FAM240B: variants seen among roughly 807,000 people sequenced by gnomAD.
FAM240B encodes protein FAM240B.
chr9:38,704,088 GA>G, intron 1 of FAM240B, 86 bp from the exon 2 acceptor site: 1 of 373,480 alleles, frequency 2.7e-6, no homozygotes, highest in Non-Finnish European at 4.7e-6. Flanking sequence ...CTTGCATGTA[GA>G]CACTGCCATT....
chr9:38,713,481 C>CAAAAAAAAAAAAAA, intron 1 of FAM240B, among the ~76,000 whole-genome samples: 1 of 83,598 alleles, frequency 1.2e-5, no homozygotes, highest in Non-Finnish European at 2.1e-5. Flanking sequence ...CCGTTTCAAA[C>CAAAAAAAAAAAAAA]AAAAAAAAAA....
chr9:38,704,294 T>C (rs1013649817), intron 1 of FAM240B, among the ~76,000 whole-genome samples: 2 of 152,212 alleles, frequency 1.3e-5, no homozygotes, highest in African/African-American at 2.4e-5. Flanking sequence ...CTTGCCCTTT[T>C]CACTGTCTTT....
intron 2 of FAM240B, among the ~76,000 whole-genome samples, chr9:38,701,907 A>AACACAC (rs112042925): frequency 2.6e-5 from 4 of 151,274 alleles, no homozygotes; most frequent in Admixed American, 1.3e-4. Context: ...AAAATAGGAG[A>AACACAC]ACACACACAC....
chr9:38,711,611 TTCTC>T (rs201795730), intron 1 of FAM240B, among the ~76,000 whole-genome samples: 44 of 147,550 alleles, frequency 3.0e-4, no homozygotes, highest in African/African-American at 1.1e-3. Context: ...TTCTTTTTCT[TTCTC>T]TCTCCCTCTT....
At chr9:38,700,095 G>C (rs148290971) in intron 2 of FAM240B, among the ~76,000 whole-genome samples, 400 of 152,216 alleles carry the variant, frequency 2.6e-3, no homozygotes, top group African/African-American at 9.2e-3. Flanking sequence ...GACAAGCTTT[G>C]GCATACTCAT....
At chr9:38,707,543 C>T (rs1000808317) in intron 1 of FAM240B, among the ~76,000 whole-genome samples, 3 of 149,302 alleles carry the variant, frequency 2.0e-5, no homozygotes, top group Admixed American at 6.8e-5. Flanking sequence ...CCAAGGCAGG[C>T]GGATCACGAG....
In FAM240B at chr9:38,695,007, G is replaced by A. The variant is rs147607733; in HGVS notation, c.144-138C>T. ...TGTGTTCCCCTCCCTGTGTCCATGT[G>A]TTCTCATTGTTCAACTCCCACTTAT... On this transcript the variant is annotated intron_variant, in intron 2 of 2. Coordinates refer to ENST00000637493, the MANE Select transcript of FAM240B (RefSeq NM_001394922.1). The A allele has an allele frequency of 5.6e-3, 2,192 of 393,864 alleles. 56 individuals are homozygous for A. Among genetic ancestry groups the A allele is most frequent in the East Asian group, 0.053 (1,479 of 27,826 alleles). The allele number at this position is 393,864 out of a possible 1,614,324, so 24.4% of individuals were successfully genotyped here.
intron 2 of FAM240B, among the ~76,000 whole-genome samples, chr9:38,698,582 T>G (rs1327588168): frequency 1.3e-5 from 2 of 152,212 alleles, no homozygotes; most frequent in African/African-American, 4.8e-5. Context: ...AGGTAAACAT[T>G]CATCAGCACA....
chr9:38,706,117 AT>A (rs1178726886), intron 1 of FAM240B, among the ~76,000 whole-genome samples: 3 of 152,206 alleles, frequency 2.0e-5, no homozygotes, highest in Non-Finnish European at 4.4e-5. Context: ...TTTAAAAATA[AT>A]TTTTAAATAT....
chr9:38,706,300 G>A (rs1050559079), intron 1 of FAM240B, among the ~76,000 whole-genome samples: 1 of 152,118 alleles, frequency 6.6e-6, no homozygotes, highest in Non-Finnish European at 1.5e-5. Context: ...CAGCTTGAGA[G>A]CAGTGTGGCT....
At chr9:38,708,731 G>C (rs1359974874) in intron 1 of FAM240B, among the ~76,000 whole-genome samples, 1 of 152,130 alleles carries the variant, frequency 6.6e-6, no homozygotes, top group Non-Finnish European at 1.5e-5. Context: ...GACTCACAAT[G>C]CATCTCCTGA....
intron 2 of FAM240B, among the ~76,000 whole-genome samples, chr9:38,697,028 C>T (rs1821077454): frequency 1.3e-5 from 2 of 152,102 alleles, no homozygotes; most frequent in Admixed American, 1.3e-4. Context: ...ATAAATCTGC[C>T]ACCAAATACA....
intron 1 of FAM240B, among the ~76,000 whole-genome samples, chr9:38,704,481 GT>G (rs1446084449): frequency 1.3e-5 from 2 of 151,912 alleles, no homozygotes; most frequent in Non-Finnish European, 2.9e-5. Flanking sequence ...TATCTTACTA[GT>G]TTTTTCCTTA....
chr9:38,694,901 G>A, intron 2 of FAM240B, 32 bp from the exon 3 acceptor site: 2 of 398,622 alleles, frequency 5.0e-6, no homozygotes, highest in Non-Finnish European at 8.8e-6. Flanking sequence ...CATGCTCAGT[G>A]CATTTGTCTC....
intron 1 of FAM240B, among the ~76,000 whole-genome samples, chr9:38,709,830 G>T (rs139931875): frequency 0.018 from 2,672 of 152,274 alleles, 31 homozygotes; most frequent in Middle Eastern, 0.027. Context: ...TTCTATTGTT[G>T]TGCAATTGAT....
At chr9:38,708,908 A>C (rs1460705761) in intron 1 of FAM240B, among the ~76,000 whole-genome samples, 1 of 152,236 alleles carries the variant, frequency 6.6e-6, no homozygotes. Context: ...AGAAAGCCTT[A>C]GATCATGGGG....
At chr9:38,717,611 G>A (rs1266609735) in intron 1 of FAM240B, among the ~76,000 whole-genome samples, 1 of 152,086 alleles carries the variant, frequency 6.6e-6, no homozygotes, top group Non-Finnish European at 1.5e-5. Flanking sequence ...CTCCTGAGTA[G>A]CTGGGACTAC....
chr9:38,701,588 G>A (rs1021611476), intron 2 of FAM240B, among the ~76,000 whole-genome samples: 1 of 152,188 alleles, frequency 6.6e-6, no homozygotes, highest in Non-Finnish European at 1.5e-5. Context: ...GAGACCACAG[G>A]GAGCCTCGCT....
At chr9:38,706,200 TG>T (rs952138652) in intron 1 of FAM240B, among the ~76,000 whole-genome samples, 30 of 148,060 alleles carry the variant, frequency 2.0e-4, no homozygotes, top group Admixed American at 2.0e-3. Flanking sequence ...GTACACATTG[TG>T]GAATAGCTAA....
Sources: gnomAD v4.1 joint callset for allele counts (sites outside exome capture counted in the v4.1 genomes callset) on GRCh38, gnomAD v4.1.1 for gene constraint, MANE v1.5 for transcripts, NCBI Gene and HGNC (gene_info 2026-07-23, HGNC 2026-07-21) for gene names.